The following NR3C1 variants were observed in gnomAD, a reference collection of about 807,000 sequenced individuals.
NR3C1 encodes glucocorticoid receptor.
Under a neutral mutation model 74.0 loss-of-function variants are expected in NR3C1, and 14 were observed. The ratio of observed to expected loss-of-function variants is 0.19; its 90% CI spans 0.12 to 0.30. NR3C1 has a LOEUF of 0.30. NR3C1 is among the 10% of genes least tolerant of loss of function. The pLI is 1.00. For synonymous variants in NR3C1, 308 were observed against 332.5 expected (o/e 0.93, Z 0.80); for missense variants, 695 against 909.8 (o/e 0.76, Z 3.04).
At chr5:143,285,918 G>C (rs1468443852) in intron 7 of NR3C1, among the ~76,000 whole-genome samples, 1 of 148,982 alleles carries the variant, frequency 6.7e-6, no homozygotes, top group Non-Finnish European at 1.5e-5. Flanking sequence ...TCAAGACCAA[G>C]CTGGTTCTAT....
chr5:143,341,278 A>G (rs933173301), intron 2 of NR3C1, among the ~76,000 whole-genome samples: 2 of 152,248 alleles, frequency 1.3e-5, no homozygotes, highest in Admixed American at 1.3e-4. Context: ...CTGCTAACTC[A>G]GAATCAGGAG....
intron 2 of NR3C1, among the ~76,000 whole-genome samples, chr5:143,398,740 C>A (rs755381718): frequency 6.6e-6 from 1 of 152,008 alleles, no homozygotes; most frequent in Non-Finnish European, 1.5e-5. Flanking sequence ...GATGAGGTTA[C>A]GGGGTAGAGA....
intron 7 of NR3C1, among the ~76,000 whole-genome samples, chr5:143,285,102 G>A (rs1050171907): frequency 2.0e-5 from 3 of 149,338 alleles, no homozygotes; most frequent in African/African-American, 7.5e-5. Flanking sequence ...TCAGACTACT[G>A]GAAACGAAGG....
intron 2 of NR3C1, among the ~76,000 whole-genome samples, chr5:143,363,333 G>A (rs1832616217): frequency 6.6e-6 from 1 of 152,144 alleles, no homozygotes; most frequent in African/African-American, 2.4e-5. Flanking sequence ...GACTGCCAGA[G>A]TTGTTACACT....
At chr5:143,423,540 T>C (rs1215366184) in intron 1 of NR3C1, among the ~76,000 whole-genome samples, 1 of 152,054 alleles carries the variant, frequency 6.6e-6, no homozygotes, top group African/African-American at 2.4e-5. Context: ...GAGAACAGTA[T>C]GAAGGTTCCT....
chr5:143,375,232 A>T (rs958207194), intron 2 of NR3C1, among the ~76,000 whole-genome samples: 2 of 152,242 alleles, frequency 1.3e-5, no homozygotes, highest in Non-Finnish European at 2.9e-5. Flanking sequence ...GAAAAATGTA[A>T]AAAAACCATG....
chr5:143,379,341 T>G (rs1835774077), intron 2 of NR3C1, among the ~76,000 whole-genome samples: 1 of 152,194 alleles, frequency 6.6e-6, no homozygotes, highest in East Asian at 1.9e-4. Flanking sequence ...GAAGATTAAC[T>G]TCTGCAGGAT....
rs888196329 is a variant in NR3C1 at position 143,411,921 on chromosome 5, G to T, written c.-13-11069C>A. Among the ~76,000 whole-genome samples the T allele has an allele frequency of 5.3e-5, 8 of 152,046 alleles. No individual in the cohort carries two copies. In the East Asian group the frequency reaches 1.5e-3, roughly 29 times the overall value. On this transcript the variant is annotated intron_variant, in intron 1 of 8. Coordinates refer to the NR3C1 transcript ENST00000343796. ...CATTGGCCCAAGGAAAGATGACGAA[G>T]TTTGTATTGGTTGCAATGGCAGGGG...
At chr5:143,408,258 G>A (rs1288360671), upstream of NR3C1, among the ~76,000 whole-genome samples, 1 of 152,096 alleles carries the variant, frequency 6.6e-6, no homozygotes, top group Non-Finnish European at 1.5e-5. Context: ...TGTAACCTTG[G>A]GCAGGCTAAC....
At chr5:143,425,919 T>C (rs1368224778) in intron 1 of NR3C1, among the ~76,000 whole-genome samples, 2 of 152,182 alleles carry the variant, frequency 1.3e-5, no homozygotes, top group South Asian at 2.1e-4. Context: ...AACTTGTACA[T>C]GAACGTTCAT....
intron 2 of NR3C1, among the ~76,000 whole-genome samples, chr5:143,365,348 C>T (rs566820916): frequency 2.6e-5 from 4 of 152,042 alleles, no homozygotes; most frequent in Non-Finnish European, 5.9e-5. Context: ...GAAAATATTC[C>T]ATGCAAACAG....
At chr5:143,306,405 T>A (rs1819601911) in intron 4 of NR3C1, among the ~76,000 whole-genome samples, 1 of 152,206 alleles carries the variant, frequency 6.6e-6, no homozygotes, top group South Asian at 2.1e-4. Flanking sequence ...ATTGTAAGTG[T>A]TAGGGTCTGC....
At chr5:143,386,900 G>A (rs751443632) in intron 2 of NR3C1, among the ~76,000 whole-genome samples, 10 of 152,130 alleles carry the variant, frequency 6.6e-5, no homozygotes, top group East Asian at 1.9e-4. Flanking sequence ...ATCTATCATC[G>A]TGCATATGGG....
intron 1 of NR3C1, among the ~76,000 whole-genome samples, chr5:143,417,386 A>G (rs1030398396): frequency 1.3e-5 from 2 of 152,106 alleles, no homozygotes; most frequent in Admixed American, 6.5e-5. Context: ...GGATGTCATT[A>G]GTTGGATTCA....
At chr5:143,302,699 A>C (rs1481673177) in intron 4 of NR3C1, among the ~76,000 whole-genome samples, 4 of 152,130 alleles carry the variant, frequency 2.6e-5, no homozygotes, top group South Asian at 2.1e-4. Context: ...CAGCTCAGAA[A>C]GTACAATTGA....
chr5:143,409,723 A>G (rs1199441293), intron 1 of NR3C1, among the ~76,000 whole-genome samples: 1 of 152,210 alleles, frequency 6.6e-6, no homozygotes, highest in African/African-American at 2.4e-5. Context: ...GCCTATTATA[A>G]ACAATTCACA....
chr5:143,377,650 T>C (rs908567013), intron 2 of NR3C1, among the ~76,000 whole-genome samples: 3 of 152,258 alleles, frequency 2.0e-5, no homozygotes, highest in Non-Finnish European at 4.4e-5. Flanking sequence ...AGGTCCTTAG[T>C]AAGACCTTCA....
Position 143,298,657 on chromosome 5 carries a change from A to G in NR3C1, c.1892+11T>C, listed in dbSNP as rs764230496. ...TATGAATACAGGGAAAATGACACAC[A>G]TACAACTTACTCATTAATAATCAGA... On this transcript the variant is annotated intron_variant, in intron 6 of 8. Transcript: ENST00000394464. 13 of 1,612,196 alleles carry G rather than the reference A, an allele frequency of 8.1e-6. No individual in the cohort carries two copies. The highest frequency in any genetic ancestry group is 1.0e-5 in the Non-Finnish European group (12 of 1,178,910).
At chr5:143,313,736 GAT>G (rs767606738) in intron 3 of NR3C1, among the ~76,000 whole-genome samples, 3 of 152,096 alleles carry the variant, frequency 2.0e-5, no homozygotes, top group Non-Finnish European at 4.4e-5. Flanking sequence ...CATTTCATAT[GAT>G]AGCACTTTCT....
Sources: gnomAD v4.1 joint callset for allele counts (sites outside exome capture counted in the v4.1 genomes callset) on GRCh38, gnomAD v4.1.1 for gene constraint, MANE v1.5 for transcripts, NCBI Gene and HGNC (gene_info 2026-07-23, HGNC 2026-07-21) for gene names.